The following SLC39A10 variants were observed in gnomAD, a reference collection of about 807,000 sequenced individuals.
SLC39A10 encodes solute carrier family 39 member 10.
SLC39A10 carries 13 observed loss-of-function variants against 65.1 expected under a neutral mutation model. That is an observed-to-expected ratio of 0.20 (90% CI 0.13 to 0.32). The LOEUF (loss-of-function observed/expected upper bound fraction) is 0.32. SLC39A10 is among the 10% of genes least tolerant of loss of function. The probability of loss-of-function intolerance (pLI) is 1.00; values close to 1 mark genes in which losing one functional copy is unlikely to be tolerated. For synonymous variants in SLC39A10, 321 were observed against 342.2 expected, an observed-to-expected ratio of 0.94 and a Z score of 0.68; for missense variants, 831 against 1,018.4, an observed-to-expected ratio of 0.82 and a Z score of 2.50.
chr2:195,683,297 C>G (rs1039824370), intron 2 of SLC39A10, among the ~76,000 whole-genome samples: 2 of 151,866 alleles, frequency 1.3e-5, no homozygotes, highest in Admixed American at 6.6e-5. Context: ...ATGAAAATGT[C>G]TATATAAGCC....
intron 1 of SLC39A10, among the ~76,000 whole-genome samples, chr2:195,668,721 T>G (rs1689734542): frequency 6.6e-6 from 1 of 152,200 alleles, no homozygotes; most frequent in Non-Finnish European, 1.5e-5. Context: ...GTTTTTTGGT[T>G]GTTGGTTTTG....
intron 1 of SLC39A10, among the ~76,000 whole-genome samples, chr2:195,670,751 ACT>A (rs1221550078): frequency 6.6e-6 from 1 of 152,118 alleles, no homozygotes; most frequent in Non-Finnish European, 1.5e-5. Context: ...GTACATGGAA[ACT>A]CTGAACTAAT....
chr2:195,619,115 AG>A (rs1688293161), intron 2 of SLC39A10, among the ~76,000 whole-genome samples: 1 of 111,714 alleles, frequency 9.0e-6, no homozygotes, highest in African/African-American at 5.4e-5. Context: ...AAAAAAAAAA[AG>A]AGAGAGAGAG....
At chr2:195,679,888 T>G (rs535979351) in intron 1 of SLC39A10, 144 bp from the exon 2 acceptor site, 9 of 579,082 alleles carry the variant, frequency 1.6e-5, no homozygotes, top group Non-Finnish European at 2.2e-5. Context: ...ACAGTTTCAC[T>G]TTTCTCTGGT....
intron 1 of SLC39A10, among the ~76,000 whole-genome samples, chr2:195,662,429 C>G (rs1215365619): frequency 6.6e-6 from 1 of 151,822 alleles, no homozygotes; most frequent in Admixed American, 6.6e-5. Context: ...TGCCACCATG[C>G]CTAGCTAATG....
intron 8 of SLC39A10, among the ~76,000 whole-genome samples, chr2:195,720,947 T>TA (rs1009114389): frequency 9.9e-5 from 15 of 152,110 alleles, no homozygotes; most frequent in Admixed American, 5.9e-4. Context: ...ATTTTATATA[T>TA]TTTTTTCCCC....
Position 195,680,119 on chromosome 2 carries a change from A to G in SLC39A10, c.77A>G (p.His26Arg), listed in dbSNP as rs778121156. The G allele has an allele frequency of 2.5e-6, 4 of 1,613,330 alleles. No homozygotes were observed. The highest frequency in any genetic ancestry group is 1.1e-5 in the South Asian group (1 of 90,588). The change falls in exon 2 of 10, where the codon CAT becomes CGT. Residue 26 changes from histidine to arginine, a missense_variant. By Grantham distance (29) the His-to-Arg change is conservative. Coordinates refer to ENST00000359634, the MANE Select transcript of SLC39A10 (RefSeq NM_020342.3). ...ATTTTTCATCATTGCAACCATTGCC[A>G]TGAAGAACATGACCATGGCCCTGAA... ...TFIFHHCNHC[H>R]EEHDHGPEAL...
intron 2 of SLC39A10, among the ~76,000 whole-genome samples, chr2:195,639,847 A>T (rs1306005728): frequency 1.3e-5 from 2 of 152,238 alleles, no homozygotes. Flanking sequence ...TTACAGGCAT[A>T]AGCCACAGTG....
At chr2:195,636,608 T>C (rs1167005683) in intron 2 of SLC39A10, among the ~76,000 whole-genome samples, 1 of 151,860 alleles carries the variant, frequency 6.6e-6, no homozygotes, top group African/African-American at 2.4e-5. Flanking sequence ...AAAAAATTAG[T>C]TGGGCGTGGT....
At chr2:195,714,647 A>G (rs1559046257) in intron 6 of SLC39A10, among the ~76,000 whole-genome samples, 1 of 152,208 alleles carries the variant, frequency 6.6e-6, no homozygotes, top group Non-Finnish European at 1.5e-5. Flanking sequence ...ATAAAAGGGG[A>G]AAAAACAACA....
chr2:195,713,597 T>C, intron 6 of SLC39A10, 44 bp downstream of exon 6: 1 of 1,541,168 alleles, frequency 6.5e-7, no homozygotes. Context: ...TTCTTTTTTT[T>C]TTTTCATTCA....
At chr2:195,701,760 C>T (rs1691204279) in intron 3 of SLC39A10, among the ~76,000 whole-genome samples, 1 of 152,042 alleles carries the variant, frequency 6.6e-6, no homozygotes, top group African/African-American at 2.4e-5. Flanking sequence ...TGGCTCACTA[C>T]AGCCTCAACC....
intron 1 of SLC39A10, among the ~76,000 whole-genome samples, chr2:195,659,068 C>G (rs1689276938): frequency 6.6e-6 from 1 of 152,180 alleles, no homozygotes; most frequent in Non-Finnish European, 1.5e-5. Context: ...TCAGGTATTT[C>G]ACATCGCTGT....
intron 1 of SLC39A10, chr2:195,670,477 A>G (rs932977737): frequency 2.0e-5 from 3 of 152,084 alleles, no homozygotes; most frequent in African/African-American, 4.8e-5. Flanking sequence ...TGAAGCACAC[A>G]CCCTAATTCC....
intron 2 of SLC39A10, among the ~76,000 whole-genome samples, chr2:195,682,889 T>C (rs1690381512): frequency 6.6e-6 from 1 of 151,832 alleles, no homozygotes; most frequent in Non-Finnish European, 1.5e-5. Context: ...ATCATTTTTC[T>C]GTGTTTATAG....
chr2:195,684,365 C>T (rs1316457958), intron 3 of SLC39A10, among the ~76,000 whole-genome samples: 2 of 152,108 alleles, frequency 1.3e-5, no homozygotes, highest in African/African-American at 2.4e-5. Flanking sequence ...GCCTAACAAA[C>T]TTGACATGTG....
chr2:195,632,771 A>AATC (rs1688616039), intron 2 of SLC39A10, among the ~76,000 whole-genome samples: 1 of 134 alleles, frequency 7.5e-3, no homozygotes, highest in Non-Finnish European at 0.016. Flanking sequence ...CCTCTAAAAT[A>AATC]ATTCTGATGT....
rs1692622152 is a variant in SLC39A10, at chr2:195,736,733, TATA to T, written c.*1697_*1699del. On this transcript the variant is annotated 3_prime_UTR_variant, in exon 10 of 10. Coordinates refer to ENST00000359634, the MANE Select transcript of SLC39A10 (RefSeq NM_020342.3). The stretch of plus-strand genomic sequence containing the variant: ...TTTCTGACTTACTCCATGGCCTCCT[TATA>T]ATAAGTAGAAGTTTTATATATAATT... The T allele has an allele frequency of 6.6e-6, 1 of 152,480 alleles. No individual in the cohort carries two copies. The highest frequency in any genetic ancestry group is 2.1e-4 in the South Asian group (1 of 4,832). 9.4% of individuals were successfully genotyped at this position (152,480 alleles called of 1,614,324 possible). A position where few individuals can be genotyped will look rare whatever the true frequency, so the allele number is the denominator to read the frequency against.
chr2:195,691,144 T>G (rs1690726004), intron 3 of SLC39A10, among the ~76,000 whole-genome samples: 1 of 152,212 alleles, frequency 6.6e-6, no homozygotes, highest in Non-Finnish European at 1.5e-5. Context: ...AGAATAATAG[T>G]CTCCAATTCC....
Sources: allele counts gnomAD v4.1 joint callset (sites outside exome capture counted in the v4.1 genomes callset), GRCh38; gene constraint gnomAD v4.1.1; transcripts MANE v1.5; gene names NCBI Gene and HGNC (gene_info 2026-07-23, HGNC 2026-07-21).